Variants in TTC28 observed in about 807,000 individuals in gnomAD.
TTC28 encodes tetratricopeptide repeat protein 28.
TTC28 carries 61 observed loss-of-function variants against 198.0 expected under a neutral mutation model. That is an observed-to-expected ratio of 0.31 (90% confidence interval 0.25 to 0.38). The LOEUF (loss-of-function observed/expected upper bound fraction) is 0.38, where lower values mean the gene tolerates loss of function less well. Ranked by LOEUF, TTC28 falls within the 10% of genes least tolerant of loss-of-function variation. The probability of loss-of-function intolerance (pLI) is 1.00; values close to 1 mark genes in which losing one functional copy is unlikely to be tolerated. For synonymous variants in TTC28, 1,171 were observed against 1,297.8 expected, an observed-to-expected ratio of 0.90 and a Z score of 2.10; for missense variants, 2,678 against 3,164.0, an observed-to-expected ratio of 0.85 and a Z score of 3.69.
chr22:28,169,505 G>A (rs1922418250), intron 5 of TTC28, among the ~76,000 whole-genome samples: 2 of 152,066 alleles, frequency 1.3e-5, no homozygotes, highest in African/African-American at 4.8e-5. Flanking sequence ...AAAAGGATGA[G>A]TCATGTCCTT....
intron 1 of TTC28, among the ~76,000 whole-genome samples, chr22:28,647,673 A>G (rs545368670): frequency 1.5e-4 from 22 of 145,072 alleles, no homozygotes; most frequent in Non-Finnish European, 3.2e-4. Flanking sequence ...CCCCGTCTCT[A>G]CTAAAAATAC....
chr22:28,608,815 C>G (rs1439941161), intron 2 of TTC28, among the ~76,000 whole-genome samples: 2 of 152,132 alleles, frequency 1.3e-5, no homozygotes, highest in African/African-American at 4.8e-5. Context: ...GAGGACTACG[C>G]TACCTGAGCA....
chr22:28,652,742 A>G (rs560320647), intron 1 of TTC28, among the ~76,000 whole-genome samples: 4 of 152,096 alleles, frequency 2.6e-5, no homozygotes, highest in Non-Finnish European at 5.9e-5. Context: ...GCCTGCAGGT[A>G]CTCCCTGAAC....
chr22:28,575,700 A>G (rs2050135522), intron 2 of TTC28, among the ~76,000 whole-genome samples: 1 of 152,122 alleles, frequency 6.6e-6, no homozygotes, highest in African/African-American at 2.4e-5. Context: ...AGTGTTTTAC[A>G]CTTTTCATTG....
intron 2 of TTC28, among the ~76,000 whole-genome samples, chr22:28,601,686 A>T (rs1200418220): frequency 1.3e-5 from 2 of 151,940 alleles, no homozygotes; most frequent in Non-Finnish European, 2.9e-5. Flanking sequence ...CTATACTAAG[A>T]TTATAGAGCC....
intron 5 of TTC28, among the ~76,000 whole-genome samples, chr22:28,167,849 G>A (rs947773227): frequency 1.3e-5 from 2 of 152,058 alleles, no homozygotes; most frequent in Non-Finnish European, 2.9e-5. Flanking sequence ...GGAAATAAAG[G>A]GTATTCAATT....
chr22:28,138,056 G>A (rs903166365), intron 6 of TTC28, among the ~76,000 whole-genome samples: 2 of 152,072 alleles, frequency 1.3e-5, no homozygotes, highest in African/African-American at 4.8e-5. Context: ...ACTATGTCTG[G>A]CCCACATTCA....
intron 5 of TTC28, among the ~76,000 whole-genome samples, chr22:28,177,508 T>A (rs371770937): frequency 1.3e-5 from 2 of 152,258 alleles, no homozygotes; most frequent in South Asian, 4.1e-4. Flanking sequence ...CTCCCATGTA[T>A]TAACTCAAAT....
chr22:28,476,836 C>A (rs1195933300), intron 2 of TTC28, among the ~76,000 whole-genome samples: 1 of 152,052 alleles, frequency 6.6e-6, no homozygotes, highest in Non-Finnish European at 1.5e-5. Context: ...ATGTTCATAA[C>A]AACTTTATTC....
intron 2 of TTC28, among the ~76,000 whole-genome samples, chr22:28,362,614 GAAC>G (rs752233465): frequency 3.3e-5 from 5 of 152,158 alleles, no homozygotes; most frequent in Non-Finnish European, 5.9e-5. Flanking sequence ...GAAAAGTTTG[GAAC>G]ACCCTAGAGA....
chr22:27,990,115 C>A, intron 20 of TTC28, 108 bp from the exon 21 acceptor site: 1 of 1,394,612 alleles, frequency 7.2e-7, no homozygotes. Flanking sequence ...TCGCTAATGA[C>A]CCTCTCATGA....
At chr22:28,161,564 G>A (rs1921184913) in intron 6 of TTC28, among the ~76,000 whole-genome samples, 1 of 151,926 alleles carries the variant, frequency 6.6e-6, no homozygotes, top group East Asian at 1.9e-4. Flanking sequence ...TGAGGTGGGA[G>A]GATCACTTTT....
intron 13 of TTC28, among the ~76,000 whole-genome samples, chr22:28,019,836 A>G (rs1010524283): frequency 1.3e-5 from 2 of 152,208 alleles, no homozygotes; most frequent in Non-Finnish European, 2.9e-5. Context: ...AGGGGTGGAA[A>G]CATGCTTCCC....
At chr22:28,401,390 C>T (rs1189564542) in intron 2 of TTC28, among the ~76,000 whole-genome samples, 2 of 151,942 alleles carry the variant, frequency 1.3e-5, no homozygotes, top group Admixed American at 6.6e-5. Flanking sequence ...CCGACGTGGG[C>T]GGATCATCTG....
At chr22:28,484,730 A>G (rs1038748858) in intron 2 of TTC28, among the ~76,000 whole-genome samples, 1 of 152,206 alleles carries the variant, frequency 6.6e-6, no homozygotes, top group African/African-American at 2.4e-5. Context: ...CTAGAATGAC[A>G]AAACTACACA....
At chr22:28,310,632 G>T (rs1342612738) in intron 2 of TTC28, among the ~76,000 whole-genome samples, 2 of 151,944 alleles carry the variant, frequency 1.3e-5, no homozygotes, top group Non-Finnish European at 2.9e-5. Context: ...AGGTACATGT[G>T]TATAACAACA....
intron 8 of TTC28, among the ~76,000 whole-genome samples, chr22:28,104,128 TTC>T (rs1335718693): frequency 3.3e-5 from 5 of 152,176 alleles, no homozygotes; most frequent in Non-Finnish European, 5.9e-5. Context: ...TGCTTGCTGC[TTC>T]TCTCTCTCCT....
intron 2 of TTC28, among the ~76,000 whole-genome samples, chr22:28,455,531 T>C (rs968537507): frequency 5.3e-5 from 8 of 151,316 alleles, no homozygotes; most frequent in Non-Finnish European, 7.4e-5. Flanking sequence ...CTGGCCAACA[T>C]AGTGAAATTC....
intron 5 of TTC28, among the ~76,000 whole-genome samples, chr22:28,169,822 AT>A (rs1283789132): frequency 6.6e-6 from 1 of 152,018 alleles, no homozygotes; most frequent in Non-Finnish European, 1.5e-5. Flanking sequence ...AAGTATAATA[AT>A]AATAAAATAA....
Sources: allele counts gnomAD v4.1 joint callset (sites outside exome capture counted in the v4.1 genomes callset), GRCh38; gene constraint gnomAD v4.1.1; transcripts MANE v1.5; gene names NCBI Gene and HGNC (gene_info 2026-07-23, HGNC 2026-07-21).